PTPRN2: variants seen among roughly 807,000 people sequenced by gnomAD.
PTPRN2 encodes the protein receptor-type tyrosine-protein phosphatase N2.
In PTPRN2, 74 loss-of-function variants were observed where a neutral mutation model predicts 118.8. That is an observed-to-expected ratio of 0.62 (90% CI 0.52 to 0.76). The LOEUF (loss-of-function observed/expected upper bound fraction) is 0.76, where lower values mean the gene tolerates loss of function less well. Among genes scored for constraint, PTPRN2 ranks in the 30% least tolerant of loss-of-function variants. The probability of loss-of-function intolerance (pLI) is 0.00; values close to 1 mark genes in which losing one functional copy is unlikely to be tolerated. For synonymous variants in PTPRN2, 641 were observed against 608.0 expected (o/e 1.05, Z -0.80); for missense variants, 1,481 against 1,394.4 (o/e 1.06, Z -0.99).
intron 12 of PTPRN2, among the ~76,000 whole-genome samples, chr7:157,880,316 G>A (rs189303816): frequency 1.2e-4 from 19 of 152,254 alleles, no homozygotes; most frequent in Non-Finnish European, 2.2e-4. Flanking sequence ...TACTCTACCC[G>A]CCGCACACCA....
intron 12 of PTPRN2, 119 bp downstream of exon 12, chr7:157,898,554 A>C: frequency 9.4e-7 from 1 of 1,060,236 alleles, no homozygotes; most frequent in Non-Finnish European, 1.4e-6. Context: ...TGGTCCTCCC[A>C]GGAAAACAGG....
intron 11 of PTPRN2, among the ~76,000 whole-genome samples, chr7:157,900,911 C>G (rs1295654547): frequency 6.6e-6 from 1 of 152,180 alleles, no homozygotes; most frequent in African/African-American, 2.4e-5. Flanking sequence ...CTGTCTTAGT[C>G]CATTTGTGTT....
intron 1 of PTPRN2, among the ~76,000 whole-genome samples, chr7:158,567,773 C>T (rs1356998290): frequency 1.3e-5 from 2 of 152,176 alleles, no homozygotes; most frequent in African/African-American, 4.8e-5. Flanking sequence ...CACCCCCCCA[C>T]ACCTGATGAG....
intron 14 of PTPRN2, among the ~76,000 whole-genome samples, chr7:157,650,574 G>C (rs1489023655): frequency 6.6e-6 from 1 of 152,196 alleles, no homozygotes; most frequent in Non-Finnish European, 1.5e-5. Flanking sequence ...CCAGCCGCGT[G>C]GCCCCAGAGT....
intron 2 of PTPRN2, among the ~76,000 whole-genome samples, chr7:158,480,909 G>C (rs1225650589): frequency 6.6e-6 from 1 of 152,266 alleles, no homozygotes. Context: ...ACATAACAGT[G>C]TAAGGTGCAG....
At chr7:158,572,824 T>C (rs561149284) in intron 1 of PTPRN2, among the ~76,000 whole-genome samples, 6 of 152,350 alleles carry the variant, frequency 3.9e-5, no homozygotes, top group Non-Finnish European at 5.9e-5. Flanking sequence ...TAAGCTGATA[T>C]AGGAACAGCA....
At chr7:157,727,241 G>C (rs541644712) in intron 12 of PTPRN2, among the ~76,000 whole-genome samples, 1 of 152,300 alleles carries the variant, frequency 6.6e-6, no homozygotes, top group Admixed American at 6.5e-5. Context: ...ATCTGTGGAC[G>C]GATGGACAGA....
chr7:157,592,987 T>A (rs1170777536), intron 17 of PTPRN2, among the ~76,000 whole-genome samples: 1 of 138,164 alleles, frequency 7.2e-6, no homozygotes, highest in African/African-American at 2.9e-5. Context: ...TCATTGAGTG[T>A]GGATGCCGAG....
intron 3 of PTPRN2, among the ~76,000 whole-genome samples, chr7:158,215,198 T>G (rs1005038909): frequency 3.3e-5 from 5 of 152,172 alleles, no homozygotes; most frequent in African/African-American, 9.7e-5. Context: ...TGAAATATTA[T>G]TACTGAAAGA....
intron 12 of PTPRN2, among the ~76,000 whole-genome samples, chr7:157,832,430 A>T (rs2151162867): frequency 6.6e-6 from 1 of 152,262 alleles, no homozygotes; most frequent in African/African-American, 2.4e-5. Flanking sequence ...TTAAACATAC[A>T]TTTGGGAAGG....
intron 12 of PTPRN2, among the ~76,000 whole-genome samples, chr7:157,688,543 A>C (rs915474852): frequency 3.3e-5 from 5 of 151,830 alleles, no homozygotes; most frequent in Non-Finnish European, 7.4e-5. Context: ...CCGGCTCCTG[A>C]CCCCTATTTT....
intron 19 of PTPRN2, 116 bp downstream of exon 19, chr7:157,576,497 G>A: frequency 9.0e-7 from 1 of 1,117,058 alleles, no homozygotes; most frequent in South Asian, 1.8e-5. Flanking sequence ...TCCCCCCTGC[G>A]GCGCCGACAC....
chr7:157,811,000 T>G (rs115361213), intron 12 of PTPRN2, among the ~76,000 whole-genome samples: 2,962 of 152,080 alleles, frequency 0.019, 97 homozygotes, highest in African/African-American at 0.065. Flanking sequence ...GGCGGGGCGC[T>G]GTGGCTCATG....
intron 11 of PTPRN2, 60 bp downstream of exon 11, chr7:158,081,234 TTGCG>T: frequency 6.9e-7 from 1 of 1,448,184 alleles, no homozygotes; most frequent in Non-Finnish European, 9.7e-7. Context: ...ATGTGCGTGT[TTGCG>T]TGCGTGTGTG....
intron 1 of PTPRN2, among the ~76,000 whole-genome samples, chr7:158,551,726 C>CTG (rs1826672815): frequency 1.3e-4 from 3 of 22,772 alleles, no homozygotes; most frequent in African/African-American, 2.1e-4. Context: ...TTGGGGGGCC[C>CTG]CAGCTCCTAA....
In PTPRN2 at chr7:158,337,387, A is replaced by T. The variant is rs1351855581; in HGVS notation, c.164-20455T>A. Among the ~76,000 whole-genome samples the T allele has an allele frequency of 3.5e-3, 360 of 102,146 alleles. 1 individual carries two copies. Among genetic ancestry groups the T allele is most frequent in the African/African-American group, 0.011 (320 of 28,322 alleles). 67.0% of individuals were successfully genotyped at this position (102,146 alleles called of 152,430 possible). A position where few individuals can be genotyped will look rare whatever the true frequency, so the allele number is the denominator to read the frequency against. ...CTCACACCCACACTCTCACCATAAG[A>T]GGTAACACCTGCAGACGTCCCTCAC... On this transcript the variant is annotated intron_variant, in intron 2 of 22. Coordinates refer to ENST00000389418, the MANE Select transcript of PTPRN2 (RefSeq NM_002847.5).
At chr7:158,498,581 T>C (rs1336497238) in intron 1 of PTPRN2, among the ~76,000 whole-genome samples, 1 of 152,156 alleles carries the variant, frequency 6.6e-6, no homozygotes, top group African/African-American at 2.4e-5. Context: ...TCTGGTTTTT[T>C]GTCCTCGATT....
rs1381146778 is a variant in PTPRN2 at position 157,587,308 on chromosome 7, T to C, written c.2496+7930A>G. On this transcript the variant is annotated intron_variant, in intron 17 of 22. Transcript: ENST00000389418. The surrounding 1 kb of genome is among the most constrained non-coding windows in gnomAD (Gnocchi z 5.3). The stretch of plus-strand genomic sequence containing the variant: ...CAGACGAGCCACTGGTGCCGGGTGG[T>C]GGGCGGCCCTGCACGGTGACAGTCA... Among the ~76,000 whole-genome samples the C allele has an allele frequency of 2.6e-5, 4 of 151,902 alleles. No homozygotes were observed. The highest frequency in any genetic ancestry group is 2.6e-4 in the Admixed American group (4 of 15,264).
chr7:158,443,305 G>C (rs886288782), intron 2 of PTPRN2, among the ~76,000 whole-genome samples: 1 of 152,228 alleles, frequency 6.6e-6, no homozygotes, highest in African/African-American at 2.4e-5. Context: ...GGCACAGAAG[G>C]CTCCGAAGTT....
Sources: allele counts gnomAD v4.1 joint callset (sites outside exome capture counted in the v4.1 genomes callset), GRCh38; gene constraint gnomAD v4.1.1; non-coding constraint Gnocchi (gnomAD v3.1); transcripts MANE v1.5; gene names NCBI Gene and HGNC (gene_info 2026-07-23, HGNC 2026-07-21).